The following TANC1 variants were observed in gnomAD, a reference collection of about 807,000 sequenced individuals.
TANC1 encodes the protein tetratricopeptide repeat, ankyrin repeat and coiled-coil containing 1, also known as protein TANC1.
TANC1 carries 77 observed loss-of-function variants against 149.7 expected under a neutral mutation model. That is an observed-to-expected ratio of 0.51 (90% CI 0.43 to 0.62). TANC1 has a LOEUF of 0.62. Ranked by LOEUF, TANC1 falls within the 20% of genes least tolerant of loss-of-function variation. The probability of loss-of-function intolerance (pLI) is 0.00; values close to 1 mark genes in which losing one functional copy is unlikely to be tolerated. For synonymous variants in TANC1, 854 were observed against 925.0 expected (o/e 0.92, Z 1.39); for missense variants, 1,985 against 2,321.8 (o/e 0.85, Z 2.98).
chr2:159,101,163 T>TA (rs1178631494), intron 4 of TANC1, among the ~76,000 whole-genome samples: 2 of 152,168 alleles, frequency 1.3e-5, no homozygotes, highest in African/African-American at 4.8e-5. Flanking sequence ...TGTTCAAGGT[T>TA]AAAAAACAAA....
At chr2:159,156,688 G>T (rs1336206878) in intron 7 of TANC1, among the ~76,000 whole-genome samples, 1 of 152,196 alleles carries the variant, frequency 6.6e-6, no homozygotes, top group African/African-American at 2.4e-5. Flanking sequence ...ACCACTAATC[G>T]AACTCTTTTC....
At position 159,231,831 on chromosome 2, in the gene TANC1, A is replaced by G. The variant is rs1490215715; in HGVS notation, c.*819A>G. 6.6e-6 allele frequency: 1 copy of G among 152,196 alleles called. No individual in the cohort carries two copies. Among genetic ancestry groups the G allele is most frequent in the Non-Finnish European group, 1.5e-5 (1 of 68,018 alleles). 9.4% of individuals were successfully genotyped at this position (152,196 alleles called of 1,614,324 possible). A position where few individuals can be genotyped will look rare whatever the true frequency, so the allele number is the denominator to read the frequency against. ...TTTCCAAACTGCTTTTAACAATGGTAGTGCTCCTGGAACAATCCTTCCAAG... is the reference window on the plus strand; with the variant it reads ...TTTCCAAACTGCTTTTAACAATGGTGGTGCTCCTGGAACAATCCTTCCAAG... On this transcript the variant is annotated 3_prime_UTR_variant, in exon 27 of 27. Coordinates refer to ENST00000263635, the MANE Select transcript of TANC1 (RefSeq NM_033394.3).
intron 3 of TANC1, among the ~76,000 whole-genome samples, chr2:159,071,278 AG>A (rs2043135755): frequency 1.3e-5 from 2 of 152,224 alleles, no homozygotes; most frequent in Non-Finnish European, 2.9e-5. Context: ...ATTAAGGAAT[AG>A]TTCCTTAATG....
chr2:159,041,942 G>A (rs1473544569), intron 2 of TANC1, among the ~76,000 whole-genome samples: 1 of 152,156 alleles, frequency 6.6e-6, no homozygotes, highest in African/African-American at 2.4e-5. Context: ...TTCGAGTTGA[G>A]ACTTTTTTTG....
chr2:159,173,324 C>T lies in TANC1; in HGVS notation c.1503+1052C>T, dbSNP rs181162569. 7.9e-5 allele frequency among the ~76,000 whole-genome samples: 12 copies of T among 152,286 alleles called. No individual in the cohort carries two copies. The South Asian group carries it at 1.2e-3, about 16-fold the overall frequency. ...TGTGGCTCTAAATTGATTTCAAGGC[C>T]GGGCCTGGCGGCTCATGCTTGTAAT... is the stretch of plus-strand genomic sequence containing the variant. On this transcript the variant is annotated intron_variant, in intron 11 of 26. Coordinates refer to ENST00000263635, the MANE Select transcript of TANC1 (RefSeq NM_033394.3).
chr2:159,045,007 A>G (rs2040931800), intron 2 of TANC1, among the ~76,000 whole-genome samples: 1 of 152,254 alleles, frequency 6.6e-6, no homozygotes, highest in African/African-American at 2.4e-5. Context: ...AGGGCAGCAG[A>G]GTACATATCA....
chr2:159,090,566 C>G (rs2045421459), intron 3 of TANC1, among the ~76,000 whole-genome samples: 1 of 152,186 alleles, frequency 6.6e-6, no homozygotes, highest in African/African-American at 2.4e-5. Context: ...ATCAGTAGGC[C>G]TGGCAGAGCC....
intron 2 of TANC1, among the ~76,000 whole-genome samples, chr2:159,013,893 C>T (rs941233487): frequency 1.1e-4 from 17 of 152,098 alleles, no homozygotes; most frequent in Admixed American, 5.9e-4. Context: ...TCCTAGGCTC[C>T]GGGAGGGATC....
In TANC1 at chr2:159,086,347, G is replaced by A. The variant is rs376491492; in HGVS notation, c.62-11290G>A. Among the ~76,000 whole-genome samples the A allele has an allele frequency of 6.6e-5, 10 of 152,096 alleles. No individual in the cohort carries two copies. The East Asian group carries it at 7.7e-4, about 12-fold the overall frequency. ...GGCACTAGATCTTGGACCCTGCAGT[G>A]TCTGTAGGGTGAAGCTGATCCAGAA... On this transcript the variant is annotated intron_variant, in intron 3 of 26. Coordinates refer to ENST00000263635, the MANE Select transcript of TANC1 (RefSeq NM_033394.3).
intron 7 of TANC1, among the ~76,000 whole-genome samples, chr2:159,151,277 A>G (rs73002938): frequency 0.011 from 1,621 of 152,304 alleles, 30 homozygotes; most frequent in African/African-American, 0.036. Flanking sequence ...CTTTATTTTT[A>G]TATGCCATCC....
At chr2:159,008,218 A>G (rs960954168) in intron 2 of TANC1, among the ~76,000 whole-genome samples, 3 of 152,228 alleles carry the variant, frequency 2.0e-5, no homozygotes, top group African/African-American at 7.2e-5. Flanking sequence ...CAAACTATGC[A>G]AGCATTACTT....
rs757495903 is a variant in TANC1 at position 158,990,776 on chromosome 2, G to A, written c.-125-10304G>A. 1.3e-5 allele frequency among the ~76,000 whole-genome samples: 2 copies of A among 152,188 alleles called. 1 individual carries two copies. Among genetic ancestry groups the A allele is most frequent in the South Asian group, 4.1e-4 (2 of 4,824 alleles). On this transcript the variant is annotated intron_variant, in intron 1 of 26. Transcript: ENST00000263635. Reference sequence around the variant, plus strand: ...GGTGGGCCTTGTGTACCTTGCTGAAGAATTCAGGGTTATGGGCTGAGTGCT... The same window carrying A: ...GGTGGGCCTTGTGTACCTTGCTGAAAAATTCAGGGTTATGGGCTGAGTGCT...
intron 3 of TANC1, among the ~76,000 whole-genome samples, chr2:159,067,347 A>C (rs2042760203): frequency 6.6e-6 from 1 of 152,250 alleles, no homozygotes; most frequent in South Asian, 2.1e-4. Flanking sequence ...AAAGCTTCTC[A>C]TCAATGCCTG....
chr2:159,039,247 A>G (rs755906831), intron 2 of TANC1, among the ~76,000 whole-genome samples: 1 of 151,906 alleles, frequency 6.6e-6, no homozygotes, highest in Non-Finnish European at 1.5e-5. Flanking sequence ...CTTCTTTATT[A>G]GTCTTGCTAG....
At chr2:159,085,561 G>C (rs972872745) in intron 3 of TANC1, among the ~76,000 whole-genome samples, 1 of 152,106 alleles carries the variant, frequency 6.6e-6, no homozygotes, top group Non-Finnish European at 1.5e-5. Flanking sequence ...AGAAAGGGGG[G>C]TTATTTTGTC....
At chr2:159,098,229 C>A (rs1336545756) in intron 4 of TANC1, among the ~76,000 whole-genome samples, 1 of 152,090 alleles carries the variant, frequency 6.6e-6, no homozygotes. Flanking sequence ...TTTACTGTAC[C>A]TTTTCTATGT....
At chr2:159,020,009 A>G (rs547252965) in intron 2 of TANC1, among the ~76,000 whole-genome samples, 5 of 152,344 alleles carry the variant, frequency 3.3e-5, no homozygotes, top group African/African-American at 9.6e-5. Context: ...AACACAAAAT[A>G]AAACTAGTCG....
At chr2:159,016,574 A>ATTTTTTTTTTTTTTTTTT (rs199579067) in intron 2 of TANC1, among the ~76,000 whole-genome samples, 1 of 147,488 alleles carries the variant, frequency 6.8e-6, no homozygotes. Flanking sequence ...CTTGGTCAAA[A>ATTTTTTTTTTTTTTTTTT]TTTTTTGTTT....
intron 10 of TANC1, among the ~76,000 whole-genome samples, chr2:159,171,131 G>A (rs549641232): frequency 2.6e-4 from 39 of 152,298 alleles, no homozygotes; most frequent in African/African-American, 8.4e-4. Flanking sequence ...TTGGGCTCCT[G>A]GTAGAACAAG....
Sources: gnomAD v4.1 joint callset for allele counts (sites outside exome capture counted in the v4.1 genomes callset) on GRCh38, gnomAD v4.1.1 for gene constraint, MANE v1.5 for transcripts, NCBI Gene and HGNC (gene_info 2026-07-23, HGNC 2026-07-21) for gene names.